CAMTA1: variants seen among roughly 807,000 people sequenced by gnomAD.
The protein encoded by CAMTA1 is calmodulin binding transcription activator 1.
CAMTA1 carries 27 observed loss-of-function variants against 170.9 expected under a neutral mutation model. That is an observed-to-expected ratio of 0.16 (90% confidence interval 0.12 to 0.22). The LOEUF is 0.22. CAMTA1 is among the 10% of genes least tolerant of loss of function. The pLI is 1.00. For missense variants in CAMTA1, 1,619 were observed against 2,217.2 expected, an observed-to-expected ratio of 0.73 and a Z score of 5.42; for synonymous variants, 833 against 891.5, an observed-to-expected ratio of 0.93 and a Z score of 1.17.
At chr1:6,920,248 A>G (rs1681714589) in intron 3 of CAMTA1, among the ~76,000 whole-genome samples, 1 of 152,246 alleles carries the variant, frequency 6.6e-6, no homozygotes, top group South Asian at 2.1e-4. Flanking sequence ...TACAGGGCCC[A>G]TGCAAGTCTG....
At chr1:7,603,239 G>A (rs546950347) in intron 6 of CAMTA1, among the ~76,000 whole-genome samples, 1 of 152,326 alleles carries the variant, frequency 6.6e-6, no homozygotes, top group African/African-American at 2.4e-5. Context: ...GGATATCCTT[G>A]TTAACTTTCT....
Position 7,452,114 on chromosome 1 carries a change from GC to G in CAMTA1, c.439-15714del, listed in dbSNP as rs79479424. On this transcript the variant is annotated intron_variant, in intron 5 of 22. Transcript: ENST00000303635. ...AGGCCTCAAGGGCAGGACAAACTTT[GC>G]CTGGTTCCCCATCAAATTTCAGCAC... 1.4e-3 allele frequency among the ~76,000 whole-genome samples: 211 copies of G among 152,334 alleles called. 7 individuals are homozygous for G. In the East Asian group the frequency reaches 0.037, roughly 27 times the overall value.
At chr1:7,559,853 G>A (rs2094934004) in intron 6 of CAMTA1, among the ~76,000 whole-genome samples, 1 of 152,156 alleles carries the variant, frequency 6.6e-6, no homozygotes, top group Non-Finnish European at 1.5e-5. Flanking sequence ...GGGGAGGGGG[G>A]CCTCAGGGCC....
chr1:6,819,185 A>G (rs1315258610), intron 1 of CAMTA1, among the ~76,000 whole-genome samples: 1 of 152,186 alleles, frequency 6.6e-6, no homozygotes, highest in Non-Finnish European at 1.5e-5. Flanking sequence ...TTCTAAGTGT[A>G]TAAATATGTG....
Position 6,899,554 on chromosome 1 carries a change from GCACACACACACACA to G in CAMTA1, c.234+74371_234+74384del, listed in dbSNP as rs70984034. Among the ~76,000 whole-genome samples, 717 of 141,178 alleles carry G rather than the reference GCACACACACACACA, an allele frequency of 5.1e-3. 6 individuals carry two copies. The highest frequency in any genetic ancestry group is 0.016 in the African/African-American group (632 of 39,228). The allele number at this position is 141,178 out of a possible 152,430, so 92.6% of individuals were successfully genotyped here. On this transcript the variant is annotated intron_variant, in intron 3 of 22. Coordinates refer to ENST00000303635, the MANE Select transcript of CAMTA1 (RefSeq NM_015215.4). ...ATGTGTATAACGCGCACGCGCGCGCGCACACACACACACACACACACACACACACACACACACAC... is the reference window on the plus strand; with the variant it reads ...ATGTGTATAACGCGCACGCGCGCGCGCACACACACACACACACACACACAC...
chr1:7,018,951 G>A (rs1002257884), intron 3 of CAMTA1, among the ~76,000 whole-genome samples: 5 of 152,128 alleles, frequency 3.3e-5, no homozygotes, highest in South Asian at 2.1e-4. Context: ...AGAGGGGCCC[G>A]AAGAGACCCG....
At chr1:7,087,840 C>T (rs545925073) in intron 3 of CAMTA1, among the ~76,000 whole-genome samples, 17 of 152,346 alleles carry the variant, frequency 1.1e-4, no homozygotes, top group Non-Finnish European at 1.0e-4. Context: ...GTCCTTCTCC[C>T]CACAATCACT....
chr1:7,363,600 A>G (rs544793748), intron 5 of CAMTA1, among the ~76,000 whole-genome samples: 40 of 152,218 alleles, frequency 2.6e-4, no homozygotes, highest in African/African-American at 9.4e-4. Flanking sequence ...GTGACATCGG[A>G]ACGATTGGCC....
At position 7,664,707 on chromosome 1, in the gene CAMTA1, G is replaced by T. The variant is rs748443086; in HGVS notation, c.2160G>T (p.Gln720His). 1 of 1,608,588 alleles carries T rather than the reference G, an allele frequency of 6.2e-7. No individual in the cohort carries two copies. ...CTTGCAGCTCTGAGCACTACCTGCAGCCGGAGACCAACGGGGTAATCCGAA... is the reference window on the plus strand; with the variant it reads ...CTTGCAGCTCTGAGCACTACCTGCATCCGGAGACCAACGGGGTAATCCGAA... ...LQACSSEHYL[Q>H]PETNGVIRSA... Residue 720 changes from glutamine (Q) to histidine (H), a missense_variant, in exon 9 of 23, where the codon CAG becomes CAT. Around this residue, in one of 8 missense-constraint regions of CAMTA1, gnomAD observed 731 missense variants for 907.6 expected, o/e 0.81. Coordinates refer to ENST00000303635, the MANE Select transcript of CAMTA1 (RefSeq NM_015215.4).
chr1:6,984,443 C>T (rs1409941037), intron 3 of CAMTA1, among the ~76,000 whole-genome samples: 1 of 151,992 alleles, frequency 6.6e-6, no homozygotes, highest in Non-Finnish European at 1.5e-5. Flanking sequence ...TGAACCCCGT[C>T]TCTAACAGAA....
At chr1:6,961,445 G>C (rs1690390128) in intron 3 of CAMTA1, among the ~76,000 whole-genome samples, 1 of 152,044 alleles carries the variant, frequency 6.6e-6, no homozygotes, top group South Asian at 2.1e-4. Flanking sequence ...GACCTTGGGT[G>C]CTGGGCCGGC....
chr1:7,084,077 A>G (rs1013879166), intron 3 of CAMTA1, among the ~76,000 whole-genome samples: 1 of 151,964 alleles, frequency 6.6e-6, no homozygotes, highest in African/African-American at 2.4e-5. Flanking sequence ...TTGAAAATCC[A>G]TGTTTCTATG....
At chr1:7,520,058 C>G (rs1167656581) in intron 6 of CAMTA1, among the ~76,000 whole-genome samples, 1 of 149,846 alleles carries the variant, frequency 6.7e-6, no homozygotes, top group African/African-American at 2.5e-5. Flanking sequence ...AGCAACTCCC[C>G]TAGCAGAGCT....
At position 7,005,899 on chromosome 1, in the gene CAMTA1, G is replaced by A. The variant is rs570786922; in HGVS notation, c.235-85405G>A. 2.6e-5 allele frequency among the ~76,000 whole-genome samples: 4 copies of A among 152,358 alleles called. No homozygotes were observed. In the South Asian group the frequency reaches 8.3e-4, roughly 32 times the overall value. On this transcript the variant is annotated intron_variant, in intron 3 of 22. Transcript: ENST00000303635. ...TCCAAGTGGCTCAACAGGGTCTGGA[G>A]GGGTGGCCCCTCAGTGGAGGGATTG...
At chr1:7,659,837 C>T (rs1173040874) in intron 7 of CAMTA1, among the ~76,000 whole-genome samples, 3 of 152,192 alleles carry the variant, frequency 2.0e-5, no homozygotes, top group Non-Finnish European at 4.4e-5. Flanking sequence ...CACAAAGTGC[C>T]AGGCACGTAG....
Position 6,996,113 on chromosome 1 carries a change from G to A in CAMTA1, c.235-95191G>A, listed in dbSNP as rs796203888. Among the ~76,000 whole-genome samples, 12 of 152,350 alleles carry A rather than the reference G, an allele frequency of 7.9e-5. 1 individual carries two copies. The highest frequency in any genetic ancestry group is 2.9e-4 in the African/African-American group (12 of 41,578). On this transcript the variant is annotated intron_variant, in intron 3 of 22. Coordinates refer to ENST00000303635, the MANE Select transcript of CAMTA1 (RefSeq NM_015215.4). ...ACCCTGGGAAGTGCGGTCCTTTCTA[G>A]AGTTAGCAAAGCCCCAAGACGTCAA...
intron 6 of CAMTA1, among the ~76,000 whole-genome samples, chr1:7,519,775 C>G (rs567274142): frequency 6.6e-6 from 1 of 151,848 alleles, no homozygotes; most frequent in East Asian, 1.9e-4. Flanking sequence ...CAGGTGCCAC[C>G]ATCTATCTGG....
In CAMTA1 at chr1:7,634,895, T is replaced by A. The variant is rs1443572211; in HGVS notation, c.511-5505T>A. On this transcript the variant is annotated intron_variant, in intron 6 of 22. Transcript: ENST00000303635. The surrounding 1 kb of genome is among the most constrained non-coding windows in gnomAD (Gnocchi z 6.2). ...ACCCTGCTCCCTGCAGCAGCCCCAG[T>A]GAGAAAGAGGCGCAGCTTCCATGCT... is the stretch of plus-strand genomic sequence containing the variant. Among the ~76,000 whole-genome samples the A allele has an allele frequency of 6.6e-6, 1 of 152,002 alleles. No individual in the cohort carries two copies. Among genetic ancestry groups the A allele is most frequent in the Non-Finnish European group, 1.5e-5 (1 of 68,006 alleles).
chr1:7,525,417 A>G (rs1307894063), intron 6 of CAMTA1, among the ~76,000 whole-genome samples: 1 of 152,064 alleles, frequency 6.6e-6, no homozygotes, highest in Non-Finnish European at 1.5e-5. Context: ...CCACATCCGC[A>G]GGATGGTACG....
Sources: gnomAD v4.1 joint callset for allele counts (sites outside exome capture counted in the v4.1 genomes callset) on GRCh38, gnomAD v4.1.1 for gene constraint, gnomAD v4.1.1 regional missense constraint, Gnocchi (gnomAD v3.1) non-coding constraint, MANE v1.5 for transcripts, NCBI Gene and HGNC (gene_info 2026-07-23, HGNC 2026-07-21) for gene names.